The following AGBL4 variants were observed in gnomAD, a reference collection of about 807,000 sequenced individuals.
The protein encoded by AGBL4 is cytosolic carboxypeptidase 6.
In AGBL4, 58 loss-of-function variants were observed where a neutral mutation model predicts 66.4. The observed-to-expected ratio is 0.87, with a 90% confidence interval of 0.71 to 1.09. AGBL4 has a LOEUF of 1.09. AGBL4 is among the 50% of genes least tolerant of loss of function. The probability of loss-of-function intolerance (pLI) is 0.00; values close to 1 mark genes in which losing one functional copy is unlikely to be tolerated. For missense variants in AGBL4, 579 were observed against 631.0 expected, an observed-to-expected ratio of 0.92 and a Z score of 0.88; for synonymous variants, 234 against 222.9, an observed-to-expected ratio of 1.05 and a Z score of -0.44.
intron 3 of AGBL4, among the ~76,000 whole-genome samples, chr1:49,271,564 A>G (rs1644060057): frequency 6.6e-6 from 1 of 151,824 alleles, no homozygotes; most frequent in Non-Finnish European, 1.5e-5. Flanking sequence ...GTACATATAC[A>G]TATCTAAAAT....
At chr1:49,465,930 A>T (rs1646620846) in intron 3 of AGBL4, among the ~76,000 whole-genome samples, 1 of 151,856 alleles carries the variant, frequency 6.6e-6, no homozygotes, top group Non-Finnish European at 1.5e-5. Context: ...TGCTAAATCA[A>T]ATGGTTTAGA....
At chr1:48,767,830 C>T (rs982825009) in intron 6 of AGBL4, among the ~76,000 whole-genome samples, 31 of 152,166 alleles carry the variant, frequency 2.0e-4, no homozygotes, top group Admixed American at 1.8e-3. Flanking sequence ...GGGAAACCAC[C>T]AAAGATTTGG....
chr1:48,787,781 G>A (rs565062284), intron 6 of AGBL4, among the ~76,000 whole-genome samples: 1 of 152,120 alleles, frequency 6.6e-6, no homozygotes, highest in South Asian at 2.1e-4. Context: ...TTTTGCTAAC[G>A]TAAGGATGGA....
intron 11 of AGBL4, among the ~76,000 whole-genome samples, chr1:48,577,574 G>A (rs1644673946): frequency 6.6e-6 from 1 of 152,166 alleles, no homozygotes; most frequent in Non-Finnish European, 1.5e-5. Flanking sequence ...AGGTAATAAT[G>A]TTTAGGTTTT....
intron 12 of AGBL4, among the ~76,000 whole-genome samples, chr1:48,537,522 C>A (rs549562757): frequency 6.6e-6 from 1 of 152,230 alleles, no homozygotes; most frequent in East Asian, 1.9e-4. Flanking sequence ...CACTGCATGG[C>A]AGGGTGAGGG....
intron 2 of AGBL4, among the ~76,000 whole-genome samples, chr1:49,734,082 C>G (rs532569683): frequency 6.6e-6 from 1 of 152,210 alleles, no homozygotes; most frequent in African/African-American, 2.4e-5. Context: ...TACACAAATT[C>G]AACACTCATT....
At chr1:49,655,431 C>T (rs374649863) in intron 3 of AGBL4, among the ~76,000 whole-genome samples, 15 of 152,176 alleles carry the variant, frequency 9.9e-5, no homozygotes, top group South Asian at 6.2e-4. Context: ...TTGCTCTTCT[C>T]GAGTAGTATC....
At chr1:49,196,124 A>G (rs1647242321) in intron 4 of AGBL4, among the ~76,000 whole-genome samples, 2 of 152,190 alleles carry the variant, frequency 1.3e-5, no homozygotes, top group African/African-American at 4.8e-5. Flanking sequence ...TAAATTACCC[A>G]ATCTCAAGTA....
At position 48,721,634 on chromosome 1, in the gene AGBL4, T is replaced by C. The variant is rs1307779512; in HGVS notation, c.635-58393A>G. Among the ~76,000 whole-genome samples, 3 of 152,316 alleles carry C rather than the reference T, an allele frequency of 2.0e-5. No homozygotes were observed. The East Asian group carries it at 5.8e-4, about 29-fold the overall frequency. ...ACCCAGGCCCTGGATATTTATTACC[T>C]TCCTCTCCCCATTTCAGCACTGCCC... On this transcript the variant is annotated intron_variant, in intron 6 of 13. Coordinates refer to ENST00000371839, the MANE Select transcript of AGBL4 (RefSeq NM_032785.4).
chr1:48,534,598 A>G (rs1643939371), intron 13 of AGBL4, among the ~76,000 whole-genome samples: 1 of 152,192 alleles, frequency 6.6e-6, no homozygotes, highest in Non-Finnish European at 1.5e-5. Flanking sequence ...TTTGAATTCA[A>G]ATTGAAGATG....
intron 3 of AGBL4, among the ~76,000 whole-genome samples, chr1:49,422,051 T>G (rs1016836422): frequency 6.6e-6 from 1 of 152,218 alleles, no homozygotes; most frequent in Non-Finnish European, 1.5e-5. Flanking sequence ...CTAAGAGAGA[T>G]TCTTATGTAG....
chr1:49,649,277 G>A (rs1466151492), intron 3 of AGBL4, among the ~76,000 whole-genome samples: 1 of 152,030 alleles, frequency 6.6e-6, no homozygotes, highest in Non-Finnish European at 1.5e-5. Flanking sequence ...GATGGAAAAA[G>A]ATATATAAAA....
chr1:49,965,267 C>T (rs1657461807), intron 1 of AGBL4, among the ~76,000 whole-genome samples: 1 of 152,192 alleles, frequency 6.6e-6, no homozygotes, highest in African/African-American at 2.4e-5. Context: ...TAATTACCTT[C>T]AGTGTGACCC....
chr1:49,886,652 A>T (rs886449639), intron 1 of AGBL4, among the ~76,000 whole-genome samples: 1 of 152,118 alleles, frequency 6.6e-6, no homozygotes. Context: ...GTGTTAGAGG[A>T]GCAAGAAGTC....
intron 3 of AGBL4, among the ~76,000 whole-genome samples, chr1:49,304,426 A>C (rs1022282124): frequency 1.3e-5 from 2 of 152,324 alleles, no homozygotes; most frequent in Non-Finnish European, 2.9e-5. Context: ...GACACATAAG[A>C]GGTATTAGAC....
At chr1:49,355,069 C>T (rs768879294) in intron 3 of AGBL4, among the ~76,000 whole-genome samples, 1 of 152,138 alleles carries the variant, frequency 6.6e-6, no homozygotes, top group African/African-American at 2.4e-5. Context: ...AGAGAAAAAC[C>T]ATGCAGACAC....
At chr1:49,075,237 A>G (rs935283053) in intron 4 of AGBL4, among the ~76,000 whole-genome samples, 1 of 152,236 alleles carries the variant, frequency 6.6e-6, no homozygotes, top group Non-Finnish European at 1.5e-5. Flanking sequence ...AATAAAAGAG[A>G]AAATGAAGAC....
In AGBL4 at chr1:48,862,719, T is replaced by C. The variant is rs72891838; in HGVS notation, c.634+4472A>G. ...CATTTTGGTTACATCACTACACATA[T>C]ACATCACTACTGCATTTTGGTTACA... On this transcript the variant is annotated intron_variant, in intron 6 of 13. Coordinates refer to ENST00000371839, the MANE Select transcript of AGBL4 (RefSeq NM_032785.4). Among the ~76,000 whole-genome samples the C allele has an allele frequency of 1.5e-3, 235 of 152,342 alleles. 4 individuals are homozygous for C. The highest frequency in any genetic ancestry group is 5.5e-3 in the African/African-American group (228 of 41,580).
intron 6 of AGBL4, among the ~76,000 whole-genome samples, chr1:48,709,139 C>T (rs993028883): frequency 1.3e-5 from 2 of 152,212 alleles, no homozygotes; most frequent in Admixed American, 1.3e-4. Flanking sequence ...AGCTACTATG[C>T]TATCAGTGAC....
Sources: gnomAD v4.1 joint callset for allele counts (sites outside exome capture counted in the v4.1 genomes callset) on GRCh38, gnomAD v4.1.1 for gene constraint, MANE v1.5 for transcripts, NCBI Gene and HGNC (gene_info 2026-07-23, HGNC 2026-07-21) for gene names.